The following LRRC8C variants were observed in gnomAD, a reference collection of about 807,000 sequenced individuals.
The protein encoded by LRRC8C is volume-regulated anion channel subunit LRRC8C.
Under a neutral mutation model 55.3 loss-of-function variants are expected in LRRC8C, and 20 were observed. The ratio of observed to expected loss-of-function variants is 0.36; its 90% confidence interval spans 0.25 to 0.53. LRRC8C has a LOEUF of 0.53. Among genes scored for constraint, LRRC8C ranks in the 20% least tolerant of loss-of-function variants. LRRC8C has a pLI of 0.92. For missense variants in LRRC8C, 659 were observed against 951.4 expected (o/e 0.69, Z 4.04); for synonymous variants, 376 against 360.7 (o/e 1.04, Z -0.48).
At chr1:89,666,770 G>C (rs914211254) in intron 1 of LRRC8C, among the ~76,000 whole-genome samples, 1 of 152,074 alleles carries the variant, frequency 6.6e-6, no homozygotes. Context: ...CATTTCATTG[G>C]TTCAGCAATT....
chr1:89,633,474 G>A (rs1020704990), intron 1 of LRRC8C, among the ~76,000 whole-genome samples, 152 bp downstream of exon 1: 77 of 152,320 alleles, frequency 5.1e-4, no homozygotes, highest in African/African-American at 1.8e-3. Flanking sequence ...GTGGTTGCCC[G>A]CCCGGCGTGT....
intron 1 of LRRC8C, among the ~76,000 whole-genome samples, chr1:89,639,439 A>G (rs1306739971): frequency 6.6e-6 from 1 of 152,170 alleles, no homozygotes; most frequent in Non-Finnish European, 1.5e-5. Context: ...TGAGCCTATC[A>G]TGGCAGCTGT....
chr1:89,711,797 C>G (rs549113606), intron 2 of LRRC8C, among the ~76,000 whole-genome samples: 3 of 152,334 alleles, frequency 2.0e-5, no homozygotes, highest in South Asian at 4.1e-4. Context: ...GTAACGCTAG[C>G]AAATCTAAAC....
At position 89,715,706 on chromosome 1, in the gene LRRC8C, A is replaced by G. The variant is rs575396605; in HGVS notation, c.*724A>G. ...AAATACAGAGGCTCCTCCCACCTTA[A>G]TCTCAATACTGCTATGTAGTACTGG... On this transcript the variant is annotated 3_prime_UTR_variant, in exon 3 of 3. Transcript: ENST00000370454. 1 of 152,202 alleles carries G rather than the reference A, an allele frequency of 6.6e-6. No homozygotes were observed. Among genetic ancestry groups the G allele is most frequent in the Non-Finnish European group, 1.5e-5 (1 of 68,036 alleles). 9.4% of individuals were successfully genotyped at this position (152,202 alleles called of 1,614,324 possible).
the LRRC8C span, among the ~76,000 whole-genome samples, chr1:89,625,660 T>C: frequency 2.0e-5 from 3 of 152,182 alleles, no homozygotes; most frequent in South Asian, 6.2e-4. Context: ...ACAATAATTT[T>C]CCAAAGAGAG....
chr1:89,651,195 G>C (rs940888580), intron 1 of LRRC8C, among the ~76,000 whole-genome samples: 1 of 152,152 alleles, frequency 6.6e-6, no homozygotes, highest in East Asian at 1.9e-4. Flanking sequence ...TTTTGAGTTA[G>C]TGCAAACTGT....
intron 1 of LRRC8C, among the ~76,000 whole-genome samples, chr1:89,654,942 A>C (rs550769547): frequency 1.4e-5 from 2 of 142,424 alleles, no homozygotes; most frequent in Admixed American, 1.5e-4. Flanking sequence ...TCCTAGGCCC[A>C]AGTGATCCTC....
intron 1 of LRRC8C, among the ~76,000 whole-genome samples, chr1:89,642,805 C>T (rs1433790353): frequency 5.9e-5 from 9 of 151,622 alleles, no homozygotes; most frequent in Non-Finnish European, 1.3e-4. Context: ...TGAGATCATG[C>T]CACTGCACTC....
At position 89,700,324 on chromosome 1, in the gene LRRC8C, A is replaced by G. The variant is rs146085164; in HGVS notation, c.139-12385A>G. Among the ~76,000 whole-genome samples, 13 of 152,224 alleles carry G rather than the reference A, an allele frequency of 8.5e-5. 2 individuals are homozygous for G. Among genetic ancestry groups the G allele is most frequent in the African/African-American group, 3.1e-4 (13 of 41,532 alleles). On this transcript the variant is annotated intron_variant, in intron 2 of 2. Coordinates refer to ENST00000370454, the MANE Select transcript of LRRC8C (RefSeq NM_032270.5). ...CTGAGCTCTTACTGTAGATATTGCC[A>G]TATTTGTGCTCTCGTTTGATTTTTC...
At chr1:89,682,329 C>G (rs1207961341) in intron 1 of LRRC8C, among the ~76,000 whole-genome samples, 1 of 152,096 alleles carries the variant, frequency 6.6e-6, no homozygotes, top group African/African-American at 2.4e-5. Context: ...TCTTAGATGC[C>G]TTAGTTTGAC....
chr1:89,630,991 CAA>C (rs373899401), upstream of LRRC8C, among the ~76,000 whole-genome samples: 157 of 152,320 alleles, frequency 1.0e-3, no homozygotes, highest in African/African-American at 3.6e-3. Flanking sequence ...AAGGCAGACA[CAA>C]GAGTAGCCAA....
At chr1:89,631,124 T>A (rs368366096), upstream of LRRC8C, among the ~76,000 whole-genome samples, 5 of 152,204 alleles carry the variant, frequency 3.3e-5, no homozygotes, top group Non-Finnish European at 7.3e-5. Context: ...TTAAGTACAA[T>A]AGTAGCTCTC....
chr1:89,677,602 A>G (rs1400579693), intron 1 of LRRC8C, among the ~76,000 whole-genome samples: 9 of 152,224 alleles, frequency 5.9e-5, no homozygotes, highest in Non-Finnish European at 1.0e-4. Flanking sequence ...GTTAAAAGTT[A>G]TAGTTCACCA....
At chr1:89,710,843 A>C (rs1658629925) in intron 2 of LRRC8C, among the ~76,000 whole-genome samples, 1 of 152,228 alleles carries the variant, frequency 6.6e-6, no homozygotes, top group Non-Finnish European at 1.5e-5. Flanking sequence ...CTCTGGCTTA[A>C]TCCTAGACAT....
intron 1 of LRRC8C, among the ~76,000 whole-genome samples, chr1:89,659,059 TTTTG>T (rs755805225): frequency 3.4e-5 from 2 of 59,208 alleles, no homozygotes; most frequent in African/African-American, 1.2e-4. Context: ...TTTTTTTTTT[TTTTG>T]TGTGTGTGTG....
At chr1:89,628,894 C>CT (rs1656039511), upstream of LRRC8C, among the ~76,000 whole-genome samples, 1 of 152,174 alleles carries the variant, frequency 6.6e-6, no homozygotes, top group South Asian at 2.1e-4. Context: ...GTTTCTATGG[C>CT]TTGCTTCAAG....
intron 2 of LRRC8C, among the ~76,000 whole-genome samples, chr1:89,705,322 T>C (rs886572328): frequency 1.0e-4 from 15 of 150,238 alleles, no homozygotes; most frequent in African/African-American, 3.4e-4. Context: ...TACCTAATAC[T>C]AGATGACGAG....
Sources: gnomAD v4.1 joint callset for allele counts (sites outside exome capture counted in the v4.1 genomes callset) on GRCh38, gnomAD v4.1.1 for gene constraint, MANE v1.5 for transcripts, NCBI Gene and HGNC (gene_info 2026-07-23, HGNC 2026-07-21) for gene names.